SYT1: variants seen among roughly 807,000 people sequenced by gnomAD.
SYT1 encodes synaptotagmin 1.
A neutral mutation model predicts 44.8 loss-of-function variants in SYT1; 8 were observed. The ratio of observed to expected loss-of-function variants is 0.18; its 90% CI spans 0.10 to 0.32. The LOEUF is 0.32. SYT1 is among the 10% of genes least tolerant of loss of function. SYT1 has a pLI of 1.00. For synonymous variants in SYT1, 154 were observed against 188.8 expected (o/e 0.82, Z 1.51); for missense variants, 286 against 509.3 (o/e 0.56, Z 4.22).
intron 9 of SYT1, among the ~76,000 whole-genome samples, chr12:79,425,254 A>T: frequency 6.6e-6 from 1 of 152,000 alleles, no homozygotes; most frequent in African/African-American, 2.4e-5. Flanking sequence ...CTGTTATTTC[A>T]TATCATCTAG....
intron 8 of SYT1, among the ~76,000 whole-genome samples, chr12:79,350,742 C>T (rs1020852144): frequency 2.0e-5 from 3 of 152,132 alleles, no homozygotes; most frequent in Non-Finnish European, 2.9e-5. Flanking sequence ...AAAGCTAATT[C>T]TTAGGGCATT....
intron 2 of SYT1, among the ~76,000 whole-genome samples, chr12:79,027,620 C>A (rs1191861998): frequency 6.6e-6 from 1 of 151,404 alleles, no homozygotes; most frequent in Admixed American, 6.6e-5. Flanking sequence ...AGGCATGTGA[C>A]AACCATACAT....
At chr12:79,334,132 T>C (rs1881982456) in intron 8 of SYT1, among the ~76,000 whole-genome samples, 1 of 152,162 alleles carries the variant, frequency 6.6e-6, no homozygotes, top group African/African-American at 2.4e-5. Flanking sequence ...TTAATATCAC[T>C]ATTGCCTGTA....
chr12:79,062,350 C>T (rs575327524), intron 3 of SYT1, among the ~76,000 whole-genome samples: 2 of 152,280 alleles, frequency 1.3e-5, no homozygotes, highest in Admixed American at 1.3e-4. Flanking sequence ...CCTTCATTGA[C>T]TTTTCAATGT....
At chr12:79,264,895 C>A (rs1413162362) in intron 4 of SYT1, among the ~76,000 whole-genome samples, 5 of 152,154 alleles carry the variant, frequency 3.3e-5, no homozygotes, top group African/African-American at 1.2e-4. Flanking sequence ...TACCAAATGT[C>A]TTGCCTTTCA....
chr12:79,342,364 T>C (rs1212022468), intron 8 of SYT1, among the ~76,000 whole-genome samples: 1 of 152,110 alleles, frequency 6.6e-6, no homozygotes, highest in African/African-American at 2.4e-5. Context: ...CCTGAGTCAC[T>C]GGAACCACAG....
chr12:79,115,741 A>T (rs1879242410), intron 3 of SYT1, among the ~76,000 whole-genome samples: 2 of 152,186 alleles, frequency 1.3e-5, no homozygotes, highest in Admixed American at 6.5e-5. Context: ...TTTGTTGGGA[A>T]TCAGGGCAAT....
chr12:79,361,155 C>T (rs1177926165), intron 9 of SYT1, among the ~76,000 whole-genome samples: 1 of 151,832 alleles, frequency 6.6e-6, no homozygotes, highest in Non-Finnish European at 1.5e-5. Context: ...TGAGTAAAAA[C>T]AGCAGACACT....
intron 8 of SYT1, among the ~76,000 whole-genome samples, chr12:79,316,695 G>A (rs372271224): frequency 2.0e-5 from 3 of 152,116 alleles, no homozygotes; most frequent in East Asian, 3.9e-4. Context: ...ATCGTCCACC[G>A]TACAACTGGC....
intron 9 of SYT1, among the ~76,000 whole-genome samples, chr12:79,405,578 G>T (rs1885215222): frequency 6.6e-6 from 1 of 152,054 alleles, no homozygotes; most frequent in Admixed American, 6.6e-5. Context: ...TGCCCTCAAG[G>T]CTTCACAGTT....
Position 78,902,595 on chromosome 12 carries a change from A to T in SYT1, c.-217+37486A>T, listed in dbSNP as rs76617084. Among the ~76,000 whole-genome samples, 463 of 152,264 alleles carry T rather than the reference A, an allele frequency of 3.0e-3. 12 individuals are homozygous for T. In the East Asian group the frequency reaches 0.071, roughly 23 times the overall value. ...AGCAATACTATTGATGAATATCAGT[A>T]TTATTATATTTTTTCCAGGAGGTTT... On this transcript the variant is annotated intron_variant, in intron 1 of 10. Coordinates refer to ENST00000261205, the MANE Select transcript of SYT1 (RefSeq NM_005639.3).
chr12:79,169,338 T>C (rs1871380101), intron 3 of SYT1, among the ~76,000 whole-genome samples: 1 of 150,722 alleles, frequency 6.6e-6, no homozygotes, highest in African/African-American at 2.4e-5. Flanking sequence ...AATATATACA[T>C]GCATGACTTA....
rs1221019116 is a variant in SYT1, at chr12:78,876,805, ATG to A, written c.-217+11698_-217+11699del. 3.7e-3 allele frequency among the ~76,000 whole-genome samples: 213 copies of A among 58,128 alleles called. 2 individuals are homozygous for A. Among genetic ancestry groups the A allele is most frequent in the African/African-American group, 0.013 (143 of 10,724 alleles). The allele number at this position is 58,128 out of a possible 152,430, so 38.1% of individuals were successfully genotyped here. On this transcript the variant is annotated intron_variant, in intron 1 of 10. Coordinates refer to ENST00000261205, the MANE Select transcript of SYT1 (RefSeq NM_005639.3). ...TTATATAATACATATAATATATTAT[ATG>A]TAATACATATCATATATTATATGTA...
intron 1 of SYT1, among the ~76,000 whole-genome samples, chr12:78,929,209 C>T (rs1877476933): frequency 6.6e-6 from 1 of 151,522 alleles, no homozygotes; most frequent in Non-Finnish European, 1.5e-5. Context: ...CAAGACCAGT[C>T]TAGCCAACGT....
At chr12:78,867,058 GAAAA>G (rs35154964) in intron 1 of SYT1, among the ~76,000 whole-genome samples, 1 of 143,142 alleles carries the variant, frequency 7.0e-6, no homozygotes, top group African/African-American at 2.6e-5. Context: ...ACATTTAAAT[GAAAA>G]AAAAAAAAAA....
chr12:79,313,620 A>T (rs904839193), intron 8 of SYT1, among the ~76,000 whole-genome samples: 1 of 145,728 alleles, frequency 6.9e-6, no homozygotes, highest in African/African-American at 2.7e-5. Context: ...AAAAAAAAAC[A>T]AAATAAAAGA....
chr12:79,393,816 A>G (rs960455386), intron 9 of SYT1: 1 of 152,014 alleles, frequency 6.6e-6, no homozygotes, highest in South Asian at 2.1e-4. Context: ...ATTAAATCCC[A>G]TTTGTCTATT....
intron 2 of SYT1, among the ~76,000 whole-genome samples, chr12:79,025,221 C>T (rs1219089589): frequency 1.3e-5 from 2 of 151,722 alleles, no homozygotes; most frequent in South Asian, 2.1e-4. Flanking sequence ...TAATTTTCCT[C>T]TGGAGGCAAG....
intron 7 of SYT1, among the ~76,000 whole-genome samples, 166 bp from the exon 8 acceptor site, chr12:79,299,218 G>C (rs1212463048): frequency 6.6e-6 from 1 of 152,032 alleles, no homozygotes; most frequent in African/African-American, 2.4e-5. Flanking sequence ...AGTAATTTTA[G>C]CCTCAAGCAG....
Sources: gnomAD v4.1 joint callset for allele counts (sites outside exome capture counted in the v4.1 genomes callset) on GRCh38, gnomAD v4.1.1 for gene constraint, MANE v1.5 for transcripts, NCBI Gene and HGNC (gene_info 2026-07-23, HGNC 2026-07-21) for gene names.